BICC1: variants seen among roughly 807,000 people sequenced by gnomAD.
The protein encoded by BICC1 is BicC family RNA binding protein 1.
BICC1 carries 43 observed loss-of-function variants against 111.0 expected under a neutral mutation model. The observed-to-expected ratio is 0.39, with a 90% CI of 0.30 to 0.50. The LOEUF is 0.50. BICC1 is among the 20% of genes least tolerant of loss of function. The probability of loss-of-function intolerance (pLI) is 0.88; values close to 1 mark genes in which losing one functional copy is unlikely to be tolerated. For synonymous variants in BICC1, 467 were observed against 434.4 expected, an observed-to-expected ratio of 1.07 and a Z score of -0.93; for missense variants, 1,091 against 1,203.2, an observed-to-expected ratio of 0.91 and a Z score of 1.38.
chr10:58,802,726 C>CATCT (rs1263756712), intron 14 of BICC1, among the ~76,000 whole-genome samples: 1 of 152,188 alleles, frequency 6.6e-6, no homozygotes, highest in Admixed American at 6.5e-5. Flanking sequence ...CTCATCTGTA[C>CATCT]ATCTATTCCA....
chr10:58,784,923 A>G (rs1842968939), intron 3 of BICC1, 78 bp from the exon 4 acceptor site: 1 of 709,990 alleles, frequency 1.4e-6, no homozygotes, highest in Non-Finnish European at 2.3e-6. Flanking sequence ...TCTAGAGTCA[A>G]TTTTAAAACA....
At chr10:58,535,679 AGAAAG>A (rs1440604723) in intron 1 of BICC1, among the ~76,000 whole-genome samples, 1 of 151,722 alleles carries the variant, frequency 6.6e-6, no homozygotes, top group East Asian at 1.9e-4. Context: ...AGTGAAGAAA[AGAAAG>A]TATCTAGGTA....
At chr10:58,715,554 A>G (rs958508604) in intron 3 of BICC1, 14 of 1,517,290 alleles carry the variant, frequency 9.2e-6, no homozygotes, top group Non-Finnish European at 1.1e-5. Context: ...GTCCAGCACC[A>G]TGGGGAAGCG....
chr10:58,515,808 C>T (rs977600904), intron 1 of BICC1, among the ~76,000 whole-genome samples: 2 of 152,156 alleles, frequency 1.3e-5, no homozygotes, highest in African/African-American at 4.8e-5. Flanking sequence ...AACAAGCTAA[C>T]ATTTGCCCAC....
At chr10:58,555,306 ATTTTT>A (rs61692850) in intron 1 of BICC1, among the ~76,000 whole-genome samples, 39 of 102,538 alleles carry the variant, frequency 3.8e-4, no homozygotes, top group African/African-American at 1.3e-3. Flanking sequence ...GCTGTTGGAC[ATTTTT>A]TTTTTTTTTT....
chr10:58,527,650 GT>G (rs1344191798), intron 1 of BICC1, among the ~76,000 whole-genome samples: 1 of 152,106 alleles, frequency 6.6e-6, no homozygotes, highest in Non-Finnish European at 1.5e-5. Flanking sequence ...CGGCTAGCCA[GT>G]TTTCCCAGCA....
At chr10:58,541,268 A>G (rs992572204) in intron 1 of BICC1, among the ~76,000 whole-genome samples, 4 of 152,146 alleles carry the variant, frequency 2.6e-5, no homozygotes, top group African/African-American at 4.8e-5. Flanking sequence ...TGATCTTTTC[A>G]TAGGTGACAT....
intron 3 of BICC1, among the ~76,000 whole-genome samples, chr10:58,737,258 C>T (rs190907201): frequency 3.3e-5 from 5 of 152,196 alleles, no homozygotes; most frequent in South Asian, 2.1e-4. Context: ...TTCCCCCCAC[C>T]GCACAACAGT....
intron 2 of BICC1, among the ~76,000 whole-genome samples, chr10:58,696,807 C>A (rs1840077198): frequency 6.6e-6 from 1 of 152,138 alleles, no homozygotes; most frequent in Non-Finnish European, 1.5e-5. Context: ...TGTTCATAGA[C>A]AATGATTCAA....
chr10:58,787,499 A>C (rs543740026), intron 5 of BICC1, among the ~76,000 whole-genome samples: 2 of 152,232 alleles, frequency 1.3e-5, no homozygotes, highest in African/African-American at 4.8e-5. Context: ...GACTTCTTAC[A>C]TTGCCTTAAT....
At chr10:58,783,475 T>TG (rs1269531465) in intron 3 of BICC1, among the ~76,000 whole-genome samples, 1 of 151,784 alleles carries the variant, frequency 6.6e-6, no homozygotes, top group Non-Finnish European at 1.5e-5. Flanking sequence ...GGCTGTGGGA[T>TG]GGGGGTGGGA....
chr10:58,738,231 T>G (rs2132590022), intron 3 of BICC1, among the ~76,000 whole-genome samples: 1 of 152,322 alleles, frequency 6.6e-6, no homozygotes, highest in Admixed American at 6.5e-5. Flanking sequence ...GGTCTAACAA[T>G]TAAGTCTTTA....
intron 1 of BICC1, among the ~76,000 whole-genome samples, chr10:58,568,759 C>G (rs938562165): frequency 3.3e-5 from 5 of 152,150 alleles, no homozygotes; most frequent in East Asian, 1.9e-4. Flanking sequence ...CCCTTCTCCC[C>G]CTTGCCTTCC....
At chr10:58,622,435 A>G (rs2132143866) in intron 2 of BICC1, among the ~76,000 whole-genome samples, 1 of 152,344 alleles carries the variant, frequency 6.6e-6, no homozygotes, top group Admixed American at 6.5e-5. Context: ...CACTGTTTGC[A>G]GAGACATATA....
At chr10:58,537,026 A>G (rs995660535) in intron 1 of BICC1, among the ~76,000 whole-genome samples, 1 of 151,762 alleles carries the variant, frequency 6.6e-6, no homozygotes, top group African/African-American at 2.4e-5. Context: ...TAAACAGACC[A>G]ATAACAGGCT....
intron 3 of BICC1, among the ~76,000 whole-genome samples, chr10:58,765,601 A>G (rs1433086738): frequency 6.6e-6 from 1 of 152,210 alleles, no homozygotes; most frequent in Non-Finnish European, 1.5e-5. Flanking sequence ...TGCCCTGTCA[A>G]GACGGGAGAA....
intron 3 of BICC1, among the ~76,000 whole-genome samples, chr10:58,749,072 T>C (rs2132636126): frequency 6.6e-6 from 1 of 152,274 alleles, no homozygotes; most frequent in African/African-American, 2.4e-5. Flanking sequence ...AAACACTTGC[T>C]TATGGTCACA....
At chr10:58,647,798 A>G (rs1322891899) in intron 2 of BICC1, among the ~76,000 whole-genome samples, 1 of 152,108 alleles carries the variant, frequency 6.6e-6, no homozygotes, top group Non-Finnish European at 1.5e-5. Flanking sequence ...AAAAATGTGT[A>G]TAATCACGTA....
At chr10:58,769,762 T>A (rs920441020) in intron 3 of BICC1, among the ~76,000 whole-genome samples, 2 of 152,044 alleles carry the variant, frequency 1.3e-5, no homozygotes, top group African/African-American at 2.4e-5. Context: ...ACTGTATTCA[T>A]ATAGTGTACT....
Sources: allele counts gnomAD v4.1 joint callset (sites outside exome capture counted in the v4.1 genomes callset), GRCh38; gene constraint gnomAD v4.1.1; transcripts MANE v1.5; gene names NCBI Gene and HGNC (gene_info 2026-07-23, HGNC 2026-07-21).